The following BUB1B variants were observed in gnomAD, a reference collection of about 807,000 sequenced individuals.
The protein encoded by BUB1B is mitotic checkpoint serine/threonine-protein kinase BUB1 beta.
BUB1B carries 86 observed loss-of-function variants against 137.7 expected under a neutral mutation model. That is an observed-to-expected ratio of 0.62 (90% CI 0.52 to 0.75). The LOEUF (loss-of-function observed/expected upper bound fraction) is 0.75. Ranked by LOEUF, BUB1B falls within the 30% of genes least tolerant of loss-of-function variation. The pLI, the probability that BUB1B is intolerant of heterozygous loss-of-function variation, is 0.00. For missense variants in BUB1B, 1,130 were observed against 1,236.9 expected (o/e 0.91, Z 1.30); for synonymous variants, 420 against 417.9 (o/e 1.00, Z -0.06).
At chr15:40,186,746 T>A (rs1056561729) in intron 8 of BUB1B, among the ~76,000 whole-genome samples, 2 of 151,658 alleles carry the variant, frequency 1.3e-5, no homozygotes, top group African/African-American at 4.8e-5. Flanking sequence ...CGCCCAGCCC[T>A]AGTCCTAATA....
chr15:40,176,611 G>A lies in BUB1B; in HGVS notation c.519G>A (p.Ala173=), dbSNP rs1595514496. 8.7e-6 allele frequency: 14 copies of A among 1,614,070 alleles called. No individual in the cohort carries two copies. The highest frequency in any genetic ancestry group is 1.6e-4 in the Middle Eastern group (1 of 6,062). The change falls in exon 5 of 23, where the codon GCG becomes GCA. Residue 173 remains alanine (A), a synonymous_variant. Coordinates refer to ENST00000287598, the MANE Select transcript of BUB1B (RefSeq NM_001211.6). ...EARENFRKAD[A]IFQEGIQQKA... is the part of the protein sequence containing the mutation. The stretch of plus-strand genomic sequence containing the variant: ...GAGAAAACTTTAGGAAAGCAGATGC[G>A]ATATTTCAGGAAGGGATTCAACAGA...
intron 10 of BUB1B, 184 bp from the exon 11 acceptor site, chr15:40,200,060 G>C: frequency 1.5e-6 from 1 of 646,252 alleles, no homozygotes; most frequent in Non-Finnish European, 2.8e-6. Flanking sequence ...GCACTGCTCA[G>C]TTGAGTACAA....
chr15:40,216,566 TA>T (rs1351248411), intron 20 of BUB1B, among the ~76,000 whole-genome samples: 19,200 of 94,626 alleles, frequency 0.2, 1,759 homozygotes, highest in Admixed American at 0.23. Context: ...TATATATATA[TA>T]TATATTTTTT....
chr15:40,216,569 A>AT lies in BUB1B; in HGVS notation c.2679-926dup, dbSNP rs1470119670. Reference sequence around the variant, plus strand: ...ATACTATATATATATATATATATATATATTTTTTTTTTTTTTTAATTATAG... The same window carrying AT: ...ATACTATATATATATATATATATATATTATTTTTTTTTTTTTTTAATTATAG... On this transcript the variant is annotated intron_variant, in intron 20 of 22. Coordinates refer to ENST00000287598, the MANE Select transcript of BUB1B (RefSeq NM_001211.6). Among the ~76,000 whole-genome samples, 286 of 56,282 alleles carry AT rather than the reference A, an allele frequency of 5.1e-3. 2 individuals carry two copies. Among genetic ancestry groups the AT allele is most frequent in the East Asian group, 0.012 (20 of 1,612 alleles). 36.9% of individuals were successfully genotyped at this position (56,282 alleles called of 152,430 possible).
In BUB1B at chr15:40,185,734, G is replaced by C. The variant is rs113722237; in HGVS notation, c.1058+92G>C. 1,577 of 1,225,486 alleles carry C rather than the reference G, an allele frequency of 1.3e-3. 19 individuals are homozygous for C. The African/African-American group carries it at 0.021, about 17-fold the overall frequency. The allele number at this position is 1,225,486 out of a possible 1,614,324, so 75.9% of individuals were successfully genotyped here. On this transcript the variant is annotated intron_variant, in intron 8 of 22. Coordinates refer to ENST00000287598, the MANE Select transcript of BUB1B (RefSeq NM_001211.6). ...TTCCCAAAGGCAGTTTCTTCTTTAT[G>C]AAGATGAAAGTAACCAGGCCAGGCG...
intron 8 of BUB1B, among the ~76,000 whole-genome samples, chr15:40,186,324 TC>T (rs2037360004): frequency 6.6e-6 from 1 of 152,200 alleles, no homozygotes; most frequent in South Asian, 2.1e-4. Context: ...TTTTCCTCTT[TC>T]TTCCTAATCC....
intron 8 of BUB1B, among the ~76,000 whole-genome samples, chr15:40,187,764 C>G (rs1296896848): frequency 1.3e-5 from 2 of 151,876 alleles, no homozygotes; most frequent in African/African-American, 4.8e-5. Context: ...TAAAAATTAG[C>G]CAAGTGCAGT....
chr15:40,165,163 C>T lies in BUB1B; in HGVS notation c.146C>T (p.Ser49Phe), dbSNP rs780380816. 2 of 1,614,094 alleles carry T rather than the reference C, an allele frequency of 1.2e-6. No homozygotes were observed. Among genetic ancestry groups the T allele is most frequent in the African/African-American group, 2.7e-5 (2 of 74,922 alleles). ...CTTCAGGGAGCACTGGCACAAGAAT[C>T]TGCCTGTAACAATACTCTTCAGCAG... is the stretch of plus-strand genomic sequence containing the variant. ...STLQGALAQESACNNTLQQQK... is the reference protein window; with the variant it reads ...STLQGALAQEFACNNTLQQQK... The change falls in exon 2 of 23, where the codon TCT (serine) becomes TTT (phenylalanine). Residue 49 changes from serine to phenylalanine, a missense_variant. Coordinates refer to ENST00000287598, the MANE Select transcript of BUB1B (RefSeq NM_001211.6).
At chr15:40,179,010 C>T (rs751464787) in intron 5 of BUB1B, among the ~76,000 whole-genome samples, 1 of 152,100 alleles carries the variant, frequency 6.6e-6, no homozygotes, top group Non-Finnish European at 1.5e-5. Flanking sequence ...AGTCACTCTC[C>T]ATTCCTACTT....
intron 2 of BUB1B, among the ~76,000 whole-genome samples, chr15:40,166,205 T>C (rs947735818): frequency 3.4e-4 from 52 of 152,236 alleles, no homozygotes; most frequent in Admixed American, 3.3e-3. Context: ...CTCTTTTTAT[T>C]GCTGAATAGG....
chr15:40,165,348 C>T, intron 2 of BUB1B, 152 bp downstream of exon 2: 1 of 1,003,406 alleles, frequency 1.0e-6, no homozygotes, highest in Non-Finnish European at 1.5e-6. Context: ...TATCACATGA[C>T]AGCTATCTGA....
intron 14 of BUB1B, among the ~76,000 whole-genome samples, chr15:40,204,500 TTCA>T (rs1341693393): frequency 6.6e-6 from 1 of 151,522 alleles, no homozygotes; most frequent in Non-Finnish European, 1.5e-5. Context: ...TACCAGAATT[TTCA>T]TCCCCTAAAA....
intron 12 of BUB1B, 33 bp downstream of exon 12, chr15:40,201,013 T>C: frequency 6.3e-7 from 1 of 1,591,612 alleles, no homozygotes; most frequent in Non-Finnish European, 8.6e-7. Context: ...GAGAAGAACT[T>C]GCTGATAACA....
At chr15:40,167,413 G>T (rs931130242) in intron 2 of BUB1B, among the ~76,000 whole-genome samples, 1 of 130,678 alleles carries the variant, frequency 7.7e-6, no homozygotes, top group Non-Finnish European at 1.5e-5. Flanking sequence ...CGCAATCTCA[G>T]CTCACTGCAA....
At chr15:40,209,253 T>C (rs775346835) in intron 16 of BUB1B, among the ~76,000 whole-genome samples, 2 of 152,172 alleles carry the variant, frequency 1.3e-5, no homozygotes, top group Non-Finnish European at 2.9e-5. Context: ...ACCCCAACTC[T>C]ACTAAAAATA....
intron 8 of BUB1B, among the ~76,000 whole-genome samples, chr15:40,191,257 T>C (rs774782216): frequency 2.0e-5 from 3 of 152,252 alleles, no homozygotes; most frequent in African/African-American, 7.2e-5. Context: ...TGGACCACCA[T>C]TGACCATAGA....
chr15:40,174,563 C>T (rs146492295), intron 4 of BUB1B, among the ~76,000 whole-genome samples: 13 of 152,188 alleles, frequency 8.5e-5, no homozygotes, highest in African/African-American at 2.6e-4. Context: ...AAATACAAGA[C>T]GGACTTAACC....
intron 8 of BUB1B, among the ~76,000 whole-genome samples, chr15:40,195,169 G>T (rs2037483182): frequency 6.6e-6 from 1 of 150,970 alleles, no homozygotes; most frequent in African/African-American, 2.4e-5. Flanking sequence ...AAAGTCCATT[G>T]TATCATTTTT....
At chr15:40,163,233 T>C (rs1377449362) in intron 1 of BUB1B, among the ~76,000 whole-genome samples, 1 of 152,004 alleles carries the variant, frequency 6.6e-6, no homozygotes, top group Non-Finnish European at 1.5e-5. Context: ...CTAGAATAAG[T>C]GAGTTGGAAA....
Sources: gnomAD v4.1 joint callset for allele counts (sites outside exome capture counted in the v4.1 genomes callset) on GRCh38, gnomAD v4.1.1 for gene constraint, MANE v1.5 for transcripts, NCBI Gene and HGNC (gene_info 2026-07-23, HGNC 2026-07-21) for gene names.